The following ACBD6 variants were observed in gnomAD, a reference collection of about 807,000 sequenced individuals.
ACBD6 encodes acyl-CoA-binding domain-containing protein 6.
A neutral mutation model predicts 37.2 loss-of-function variants in ACBD6; 28 were observed. The ratio of observed to expected loss-of-function variants is 0.75; its 90% CI spans 0.56 to 1.03. The LOEUF (loss-of-function observed/expected upper bound fraction) is 1.03. Ranked by LOEUF, ACBD6 falls within the 50% of genes least tolerant of loss-of-function variation. The probability of loss-of-function intolerance (pLI) is 0.00; values close to 1 mark genes in which losing one functional copy is unlikely to be tolerated. For synonymous variants in ACBD6, 113 were observed against 126.8 expected, an observed-to-expected ratio of 0.89 and a Z score of 0.73; for missense variants, 340 against 337.4, an observed-to-expected ratio of 1.01 and a Z score of -0.06.
intron 3 of ACBD6, among the ~76,000 whole-genome samples, chr1:180,433,600 G>A (rs1416336280): frequency 1.3e-5 from 2 of 151,680 alleles, no homozygotes; most frequent in Non-Finnish European, 2.9e-5. Context: ...GTGTGTGTGT[G>A]TGTGTGTGTG....
At chr1:180,368,927 A>G (rs1484171982) in intron 6 of ACBD6, among the ~76,000 whole-genome samples, 1 of 152,232 alleles carries the variant, frequency 6.6e-6, no homozygotes, top group Non-Finnish European at 1.5e-5. Context: ...AGGCTACTGC[A>G]CACAGTGAGG....
intron 7 of ACBD6, among the ~76,000 whole-genome samples, chr1:180,296,093 C>A (rs1373978421): frequency 6.6e-6 from 1 of 152,110 alleles, no homozygotes; most frequent in Non-Finnish European, 1.5e-5. Flanking sequence ...ATACAAATGA[C>A]AGGAAAGCAA....
At chr1:180,318,620 T>C (rs1315074623) in intron 6 of ACBD6, among the ~76,000 whole-genome samples, 1 of 152,184 alleles carries the variant, frequency 6.6e-6, no homozygotes, top group East Asian at 1.9e-4. Context: ...AGCGGGATTT[T>C]TGAAAACTTA....
intron 6 of ACBD6, among the ~76,000 whole-genome samples, chr1:180,392,710 T>C (rs928978161): frequency 6.8e-6 from 1 of 147,300 alleles, no homozygotes; most frequent in South Asian, 2.3e-4. Flanking sequence ...CCCACACAGA[T>C]ACATACTATG....
chr1:180,335,225 T>G (rs1651653743), intron 6 of ACBD6, among the ~76,000 whole-genome samples: 1 of 151,886 alleles, frequency 6.6e-6, no homozygotes, highest in Non-Finnish European at 1.5e-5. Flanking sequence ...TCACCAAAGT[T>G]GAAATGAAGG....
At chr1:180,483,942 G>T (rs1651156882) in intron 3 of ACBD6, among the ~76,000 whole-genome samples, 1 of 151,988 alleles carries the variant, frequency 6.6e-6, no homozygotes, top group South Asian at 2.1e-4. Flanking sequence ...CGGGAATTAT[G>T]AAAAAATACC....
chr1:180,305,164 A>C lies in ACBD6; in HGVS notation c.694+9528T>G, dbSNP rs1571338869. On this transcript the variant is annotated intron_variant, in intron 7 of 7. Coordinates refer to ENST00000367595, the MANE Select transcript of ACBD6 (RefSeq NM_032360.4). ...AAAAACCCTAGATTAAAACCTAGGCAATACCATTCAGGACATAGGCATGGG... is the reference window on the plus strand; with the variant it reads ...AAAAACCCTAGATTAAAACCTAGGCCATACCATTCAGGACATAGGCATGGG... Among the ~76,000 whole-genome samples, 3 of 152,226 alleles carry C rather than the reference A, an allele frequency of 2.0e-5. No homozygotes were observed. The South Asian group carries it at 6.2e-4, about 32-fold the overall frequency.
At chr1:180,432,689 G>C (rs1425908494) in intron 3 of ACBD6, among the ~76,000 whole-genome samples, 1 of 151,918 alleles carries the variant, frequency 6.6e-6, no homozygotes, top group Non-Finnish European at 1.5e-5. Context: ...TAAGAAAAAA[G>C]AAGAGTCAAA....
At chr1:180,462,034 G>A (rs984111790) in intron 3 of ACBD6, among the ~76,000 whole-genome samples, 5 of 152,104 alleles carry the variant, frequency 3.3e-5, no homozygotes, top group African/African-American at 1.2e-4. Context: ...TCAGGAATTT[G>A]AGACCAGCCT....
intron 6 of ACBD6, among the ~76,000 whole-genome samples, chr1:180,319,763 T>C (rs1471558877): frequency 6.6e-6 from 1 of 152,206 alleles, no homozygotes; most frequent in African/African-American, 2.4e-5. Flanking sequence ...GCAAAGTTTG[T>C]CTGTGCATGG....
At chr1:180,278,342 CT>C (rs11316143) in intron 9 of ACBD6, 139,205 of 152,136 alleles carry the variant, frequency 0.92, 63,809 homozygotes, top group East Asian at 0.99. Flanking sequence ...CACTGGCTCT[CT>C]TCTTTCTTGG....
intron 6 of ACBD6, among the ~76,000 whole-genome samples, chr1:180,339,224 A>G (rs1421172412): frequency 1.3e-5 from 2 of 152,222 alleles, no homozygotes; most frequent in Non-Finnish European, 2.9e-5. Context: ...ATAAAGACAC[A>G]TGCACACGTA....
intron 3 of ACBD6, among the ~76,000 whole-genome samples, chr1:180,477,118 G>A (rs530912616): frequency 1.3e-5 from 2 of 152,206 alleles, no homozygotes; most frequent in African/African-American, 2.4e-5. Context: ...ACAGGTAATG[G>A]ATACATCTTG....
chr1:180,461,245 G>A (rs182646945), intron 3 of ACBD6, among the ~76,000 whole-genome samples: 79 of 152,254 alleles, frequency 5.2e-4, no homozygotes, highest in African/African-American at 1.9e-3. Flanking sequence ...AGAAATATGG[G>A]ATTATATAAA....
At chr1:180,367,367 G>C (rs1007876656) in intron 6 of ACBD6, among the ~76,000 whole-genome samples, 11 of 152,114 alleles carry the variant, frequency 7.2e-5, no homozygotes, top group Non-Finnish European at 7.4e-5. Flanking sequence ...ATCCGAGGGG[G>C]ATACATTTCT....
chr1:180,281,701 G>A (rs1259009839), intron 8 of ACBD6, among the ~76,000 whole-genome samples: 1 of 152,086 alleles, frequency 6.6e-6, no homozygotes, highest in Non-Finnish European at 1.5e-5. Flanking sequence ...TTTGTCTCAT[G>A]ACTGCCACAG....
In ACBD6 at chr1:180,409,213, T is replaced by A. The variant is rs1475416358; in HGVS notation, c.573+4153A>T. Among the ~76,000 whole-genome samples the A allele has an allele frequency of 3.9e-5, 6 of 152,064 alleles. No individual in the cohort carries two copies. In the South Asian group the frequency reaches 1.0e-3, roughly 26 times the overall value. On this transcript the variant is annotated intron_variant, in intron 5 of 7. Coordinates refer to ENST00000367595, the MANE Select transcript of ACBD6 (RefSeq NM_032360.4). ...TAAGAAGGATGCAGGTAAGAGAGAA[T>A]TTTTTTGTTTATAAGACTAATAGTA...
intron 3 of ACBD6, among the ~76,000 whole-genome samples, chr1:180,451,378 T>C (rs912532449): frequency 1.3e-5 from 2 of 152,210 alleles, no homozygotes; most frequent in South Asian, 4.1e-4. Context: ...CTCCTGGATA[T>C]ATATCCATTA....
intron 6 of ACBD6, among the ~76,000 whole-genome samples, chr1:180,347,360 GTTTTT>G (rs775301259): frequency 0.12 from 5,733 of 48,918 alleles, 348 homozygotes; most frequent in African/African-American, 0.25. Context: ...TCAACAGAAA[GTTTTT>G]TTTTTTTTTT....
Sources: allele counts gnomAD v4.1 joint callset (sites outside exome capture counted in the v4.1 genomes callset), GRCh38; gene constraint gnomAD v4.1.1; transcripts MANE v1.5; gene names NCBI Gene and HGNC (gene_info 2026-07-23, HGNC 2026-07-21).